The following UNC80 variants were observed in gnomAD, a reference collection of about 807,000 sequenced individuals.
UNC80 encodes protein unc-80 homolog.
In UNC80, 164 loss-of-function variants were observed where a neutral mutation model predicts 384.6. The ratio of observed to expected loss-of-function variants is 0.43; its 90% CI spans 0.38 to 0.49. UNC80 has a LOEUF of 0.49. Among genes scored for constraint, UNC80 ranks in the 20% least tolerant of loss-of-function variants. The pLI, the probability that UNC80 is intolerant of heterozygous loss-of-function variation, is 0.00. For synonymous variants in UNC80, 1,486 were observed against 1,527.8 expected, an observed-to-expected ratio of 0.97 and a Z score of 0.64; for missense variants, 3,330 against 4,143.0, an observed-to-expected ratio of 0.80 and a Z score of 5.39.
intron 7 of UNC80, among the ~76,000 whole-genome samples, chr2:209,806,213 A>T (rs1237547487): frequency 2.0e-5 from 3 of 152,226 alleles, no homozygotes; most frequent in Non-Finnish European, 4.4e-5. Flanking sequence ...CATCCATAAT[A>T]AGCATAGAAA....
chr2:209,845,828 T>C (rs950530684), intron 21 of UNC80, among the ~76,000 whole-genome samples: 1 of 152,192 alleles, frequency 6.6e-6, no homozygotes, highest in Non-Finnish European at 1.5e-5. Context: ...TATCTGCTTA[T>C]CTAAGTACAT....
At chr2:209,950,686 G>A (rs1373890901) in intron 47 of UNC80, among the ~76,000 whole-genome samples, 3 of 151,582 alleles carry the variant, frequency 2.0e-5, no homozygotes, top group Non-Finnish European at 4.4e-5. Context: ...AGCCTCCCGA[G>A]TAGCTGGGAT....
chr2:209,954,432 G>A (rs1356113620), intron 48 of UNC80, 162 bp downstream of exon 48: 8 of 521,356 alleles, frequency 1.5e-5, no homozygotes, highest in African/African-American at 7.7e-5. Flanking sequence ...TGAACAGTTC[G>A]TGAGTTATTT....
chr2:209,884,814 G>A (rs780270185), intron 25 of UNC80, among the ~76,000 whole-genome samples: 1 of 152,000 alleles, frequency 6.6e-6, no homozygotes, highest in African/African-American at 2.4e-5. Context: ...ACCAAACACC[G>A]CATGTTCTCA....
Position 209,839,452 on chromosome 2 carries a change from T to C in UNC80, c.3250+22T>C. The C allele has an allele frequency of 6.4e-7, 1 of 1,551,492 alleles. No individual in the cohort carries two copies. Among genetic ancestry groups the C allele is most frequent in the Non-Finnish European group, 8.7e-7 (1 of 1,146,704 alleles). On this transcript the variant is annotated intron_variant, in intron 19 of 64. Transcript: ENST00000673920. The surrounding 1 kb of genome is among the most constrained non-coding windows in gnomAD (Gnocchi z 4.1). Reference sequence around the variant, plus strand: ...ATAGGTAAAAGTATGTCTGTATTTGTTTATGGATTATCTTATTACCAACCA... The same window carrying C: ...ATAGGTAAAAGTATGTCTGTATTTGCTTATGGATTATCTTATTACCAACCA...
In UNC80 at chr2:209,778,597, A is replaced by T. The variant is rs530237778; in HGVS notation, c.600+1038A>T. On this transcript the variant is annotated intron_variant, in intron 4 of 64. Transcript: ENST00000673920. ...TATAATTTGAAATCACTGTGCCATC[A>T]CTTTTTAGCTGTGTGATTTTGTTGA... is the stretch of plus-strand genomic sequence containing the variant. 1.1e-4 allele frequency among the ~76,000 whole-genome samples: 17 copies of T among 152,310 alleles called. No individual in the cohort carries two copies. In the East Asian group the frequency reaches 3.3e-3, roughly 29 times the overall value.
Position 209,829,249 on chromosome 2 carries a change from T to C in UNC80, c.2496T>C (p.Thr832=), listed in dbSNP as rs1486522523. ...CATTGCAGGCCCAGAACTGCCTCAC[T>C]AAGCTATACAAGCTAGATAAGATGC... The part of the protein sequence containing the change: ...VFRENAQNCL[T]KLYKLDKMQF... Residue 832 remains threonine, a synonymous_variant, in exon 15 of 65, where the codon ACT becomes ACC. Coordinates refer to ENST00000673920, the MANE Select transcript of UNC80 (RefSeq NM_001371986.1). 7.1e-6 allele frequency: 11 copies of C among 1,551,344 alleles called. No homozygotes were observed. Among genetic ancestry groups the C allele is most frequent in the Admixed American group, 2.0e-5 (1 of 51,000 alleles).
rs149024162 is a variant in UNC80 at position 209,820,354 on chromosome 2, G to C, written c.2006G>C (p.Ser669Thr). Residue 669 changes from serine (S) to threonine (T), a missense_variant, in exon 13 of 65, where the codon AGC (serine) becomes ACC (threonine). By Grantham distance (58) the Ser-to-Thr change is moderately conservative. Around this residue, in one of 8 missense-constraint regions of UNC80, gnomAD observed 937 missense variants for 1,026.8 expected, o/e 0.91. Coordinates refer to ENST00000673920, the MANE Select transcript of UNC80 (RefSeq NM_001371986.1). ...AVYLVLNHDISSRICDVALNI... is the reference protein window; with the variant it reads ...AVYLVLNHDITSRICDVALNI... ...TATCTTGTCCTTAATCATGACATCAGCTCTCGTATCTGTGACGTGGCGCTA... is the reference window on the plus strand; with the variant it reads ...TATCTTGTCCTTAATCATGACATCACCTCTCGTATCTGTGACGTGGCGCTA... 2.3e-3 allele frequency: 3,633 copies of C among 1,551,320 alleles called. 76 individuals carry two copies. In the African/African-American group the frequency reaches 0.039, roughly 17 times the overall value.
At chr2:209,795,832 C>G (rs2078118592) in intron 7 of UNC80, 1 of 152,272 alleles carries the variant, frequency 6.6e-6, no homozygotes, top group African/African-American at 2.4e-5. Context: ...CTCCTGGATG[C>G]CCAGGCAAAA....
At chr2:209,978,994 G>A (rs34678259) in intron 59 of UNC80, among the ~76,000 whole-genome samples, 7,419 of 152,264 alleles carry the variant, frequency 0.049, 244 homozygotes, top group Middle Eastern at 0.12. Context: ...CATGCCTGTA[G>A]TCCCAGCACT....
chr2:209,924,854 CT>C (rs1392910459), intron 35 of UNC80, among the ~76,000 whole-genome samples: 1 of 151,716 alleles, frequency 6.6e-6, no homozygotes, highest in African/African-American at 2.4e-5. Context: ...AAAGACAAAC[CT>C]TGTGAACAGG....
In UNC80 at chr2:209,831,552, C is replaced by A. The variant is rs1271766753; in HGVS notation, c.2736C>A (p.Cys912Ter). The change falls in exon 16 of 65, where the codon TGC becomes TGA. Residue 912 changes from cysteine to a stop codon, truncating the protein, a stop_gained. Coordinates refer to ENST00000673920, the MANE Select transcript of UNC80 (RefSeq NM_001371986.1). LOFTEE classifies it high-confidence loss of function. ...TGTTTAAATCCCTCATCACACGCTG[C>A]GCTTCAACCACACATGAATTGCACA... ...SAMFKSLITR[C>*]ASTTHELHSP... 6.5e-7 allele frequency: 1 copy of A among 1,550,112 alleles called. No homozygotes were observed. Among genetic ancestry groups the A allele is most frequent in the Non-Finnish European group, 8.7e-7 (1 of 1,146,290 alleles).
At chr2:209,807,814 G>A (rs977957159) in intron 7 of UNC80, among the ~76,000 whole-genome samples, 1 of 152,128 alleles carries the variant, frequency 6.6e-6, no homozygotes, top group African/African-American at 2.4e-5. Flanking sequence ...GATAGTTCTT[G>A]CTTTTTATTG....
chr2:209,808,524 T>TAA (rs535979983), intron 7 of UNC80, among the ~76,000 whole-genome samples: 38,791 of 120,420 alleles, frequency 0.32, 6,148 homozygotes, highest in Non-Finnish European at 0.39. Context: ...ATCGCGCCAC[T>TAA]AAAAAAAAAA....
At chr2:209,921,377 TG>T in intron 33 of UNC80, 122 bp from the exon 34 acceptor site, 1 of 963,856 alleles carries the variant, frequency 1.0e-6, no homozygotes, top group South Asian at 2.3e-5. Context: ...AACTGGATCA[TG>T]GGTATCCTAA....
intron 28 of UNC80, among the ~76,000 whole-genome samples, chr2:209,902,904 CGTGTGT>C (rs56102642): frequency 0.14 from 20,297 of 141,140 alleles, 1,562 homozygotes; most frequent in South Asian, 0.23. Context: ...CCTGTATACA[CGTGTGT>C]GTGTGTGTGT....
chr2:209,807,991 A>C (rs1425873459), intron 7 of UNC80, among the ~76,000 whole-genome samples: 1 of 152,138 alleles, frequency 6.6e-6, no homozygotes, highest in Non-Finnish European at 1.5e-5. Context: ...GATTTTACTT[A>C]ACAAATTTTG....
intron 7 of UNC80, among the ~76,000 whole-genome samples, chr2:209,802,870 A>G (rs1214952855): frequency 6.6e-6 from 1 of 152,156 alleles, no homozygotes; most frequent in Non-Finnish European, 1.5e-5. Context: ...GACAGAATTC[A>G]TTTCCTTGCA....
At chr2:209,865,159 G>C (rs993907695) in intron 22 of UNC80, among the ~76,000 whole-genome samples, 2 of 152,110 alleles carry the variant, frequency 1.3e-5, no homozygotes, top group African/African-American at 4.8e-5. Flanking sequence ...CACGGGTCAC[G>C]GCAGCCTCTT....
Sources: allele counts gnomAD v4.1 joint callset (sites outside exome capture counted in the v4.1 genomes callset), GRCh38; gene constraint gnomAD v4.1.1; regional missense constraint gnomAD v4.1.1; non-coding constraint Gnocchi (gnomAD v3.1); transcripts MANE v1.5; gene names NCBI Gene and HGNC (gene_info 2026-07-23, HGNC 2026-07-21).